The following TXNL4A variants were observed in gnomAD, a reference collection of about 807,000 sequenced individuals.
The protein encoded by TXNL4A is thioredoxin like 4A, also known as thioredoxin-like protein 4A.
In TXNL4A, 17 loss-of-function variants were observed where a neutral mutation model predicts 14.6. The observed-to-expected ratio is 1.16, with a 90% confidence interval of 0.80 to 1.74. The LOEUF (loss-of-function observed/expected upper bound fraction) is 1.74. Among genes scored for constraint, TXNL4A ranks in the 40% most tolerant of loss-of-function variants. TXNL4A has a pLI of 0.00. For missense variants in TXNL4A, 74 were observed against 195.2 expected (o/e 0.38, Z 3.70); for synonymous variants, 83 against 70.6 (o/e 1.18, Z -0.88).
chr18:79,992,004 G>C (rs1373213662), upstream of TXNL4A, among the ~76,000 whole-genome samples: 1 of 152,210 alleles, frequency 6.6e-6, no homozygotes, highest in African/African-American at 2.4e-5. Flanking sequence ...TTGAAGCAAG[G>C]ACAGGAAGAC....
chr18:79,973,728 AGGCCGCGGCCTT>A lies in TXNL4A; in HGVS notation c.374_385del (p.Lys125_Leu129delinsMet). 8 of 1,614,208 alleles carry A rather than the reference AGGCCGCGGCCTT, an allele frequency of 5.0e-6. No individual in the cohort carries two copies. The highest frequency in any genetic ancestry group is 6.8e-6 in the Non-Finnish European group (8 of 1,180,038). ...GGAGTAGTCCTTGGGGGACACCACC[AGGCCGCGGCCTT>A]TGCGGGCCCCGCGGTACACCGTCTC... On this transcript the variant is annotated inframe_deletion, in exon 3 of 3. Coordinates refer to ENST00000269601, the MANE Select transcript of TXNL4A (RefSeq NM_006701.5).
chr18:79,986,462 G>A (rs1345836003), intron 1 of TXNL4A: 1 of 681,578 alleles, frequency 1.5e-6, no homozygotes, highest in Non-Finnish European at 1.8e-6. Flanking sequence ...ACCCCAAAGT[G>A]AGCCCATTTC....
intron 1 of TXNL4A, among the ~76,000 whole-genome samples, chr18:80,029,114 T>A (rs116510403): frequency 7.9e-5 from 12 of 152,264 alleles, no homozygotes; most frequent in African/African-American, 2.9e-4. Context: ...GACACTTTTC[T>A]CCCGAAACTG....
intron 1 of TXNL4A, among the ~76,000 whole-genome samples, chr18:80,031,190 C>T (rs1013619402): frequency 2.6e-5 from 4 of 152,174 alleles, no homozygotes; most frequent in Non-Finnish European, 5.9e-5. Flanking sequence ...TCAAAATGTT[C>T]CTTTGTGCTG....
At chr18:80,006,342 C>A (rs1017348788) in intron 1 of TXNL4A, among the ~76,000 whole-genome samples, 14 of 151,804 alleles carry the variant, frequency 9.2e-5, no homozygotes, top group Admixed American at 9.2e-4. Flanking sequence ...CAAGATCATG[C>A]CATTGCACTC....
intron 1 of TXNL4A, among the ~76,000 whole-genome samples, chr18:80,027,956 A>G (rs2145131108): frequency 6.6e-6 from 1 of 152,332 alleles, no homozygotes; most frequent in African/African-American, 2.4e-5. Flanking sequence ...ATTCTTCTTT[A>G]TGACTCAAAC....
rs566141236 is a variant in TXNL4A at position 79,982,258 on chromosome 18, G to A, written c.154-4557C>T. Among the ~76,000 whole-genome samples the A allele has an allele frequency of 2.6e-5, 4 of 152,316 alleles. No individual in the cohort carries two copies. The South Asian group carries it at 8.3e-4, about 32-fold the overall frequency. ...TGGGGACCGATGCGCAGGTGGACTG[G>A]CCCACAGAGGACCTTTTCCACTTGG... On this transcript the variant is annotated intron_variant, in intron 1 of 2. Transcript: ENST00000269601. The surrounding 1 kb of genome is among the most constrained non-coding windows in gnomAD (Gnocchi z 4.0).
chr18:79,991,095 C>G (rs371386500), upstream of TXNL4A, among the ~76,000 whole-genome samples: 194 of 135,206 alleles, frequency 1.4e-3, no homozygotes, highest in African/African-American at 5.4e-3. Context: ...GCGACAGAGC[C>G]AGACTCCGTC....
chr18:80,023,071 T>A (rs2051860524), intron 1 of TXNL4A, among the ~76,000 whole-genome samples: 1 of 152,212 alleles, frequency 6.6e-6, no homozygotes, highest in Non-Finnish European at 1.5e-5. Context: ...AGTGAAAAAT[T>A]GGAATCCCAC....
intron 1 of TXNL4A, among the ~76,000 whole-genome samples, chr18:80,016,742 A>G (rs1426162084): frequency 6.6e-6 from 1 of 150,934 alleles, no homozygotes; most frequent in Admixed American, 6.6e-5. Flanking sequence ...TGGTACCAGT[A>G]CCATGCTGTT....
At chr18:79,976,219 G>T (rs2051377406) in intron 2 of TXNL4A, among the ~76,000 whole-genome samples, 1 of 152,200 alleles carries the variant, frequency 6.6e-6, no homozygotes, top group Admixed American at 6.5e-5. Flanking sequence ...TCCACCCTGG[G>T]TGAGAGTGAG....
chr18:80,017,536 C>T (rs1391363913), intron 1 of TXNL4A, among the ~76,000 whole-genome samples: 5 of 152,098 alleles, frequency 3.3e-5, no homozygotes, highest in Non-Finnish European at 7.4e-5. Context: ...AGATACGTCC[C>T]ATCAATACCT....
rs1337537025 is a variant in TXNL4A at position 80,022,949 on chromosome 18, C to T, written c.-61+10902G>A. On this transcript the variant is annotated intron_variant, in intron 1 of 2. Transcript: ENST00000585474. Reference sequence around the variant, plus strand: ...TTCTTAGACCCACTCAGCCTAAAGGCTCCCAAGGTACCCAATAGGCCTGGG... The same window carrying T: ...TTCTTAGACCCACTCAGCCTAAAGGTTCCCAAGGTACCCAATAGGCCTGGG... Among the ~76,000 whole-genome samples the T allele has an allele frequency of 2.0e-5, 3 of 152,144 alleles. No individual in the cohort carries two copies. The East Asian group carries it at 5.8e-4, about 29-fold the overall frequency.
At position 80,021,325 on chromosome 18, in the gene TXNL4A, C is replaced by T. The variant is rs553487697; in HGVS notation, c.-61+12526G>A. On this transcript the variant is annotated intron_variant, in intron 1 of 2. Coordinates refer to the TXNL4A transcript ENST00000585474. ...CCGAGTAGCTGGGACTATGGGCACC[C>T]GCCACCATGCCTGGCTAATTTTTTG... Among the ~76,000 whole-genome samples the T allele has an allele frequency of 4.6e-5, 7 of 152,158 alleles. No homozygotes were observed. In the East Asian group the frequency reaches 5.8e-4, roughly 13 times the overall value.
At chr18:80,025,344 C>T (rs1210055781) in intron 1 of TXNL4A, among the ~76,000 whole-genome samples, 1 of 152,204 alleles carries the variant, frequency 6.6e-6, no homozygotes, top group East Asian at 1.9e-4. Flanking sequence ...GTAACTCCAC[C>T]TACACTCCCA....
chr18:80,000,513 A>C (rs1427902395), intron 1 of TXNL4A, among the ~76,000 whole-genome samples: 1 of 152,232 alleles, frequency 6.6e-6, no homozygotes, highest in African/African-American at 2.4e-5. Context: ...AATAAGATTA[A>C]GTTTTTGAAG....
intron 1 of TXNL4A, among the ~76,000 whole-genome samples, chr18:79,999,266 T>C (rs2051683001): frequency 6.6e-6 from 1 of 152,144 alleles, no homozygotes; most frequent in Admixed American, 6.6e-5. Context: ...CCGGGTGCAG[T>C]GACTCACGCC....
chr18:79,989,069 T>C (rs1478833197), upstream of TXNL4A, among the ~76,000 whole-genome samples: 2 of 152,218 alleles, frequency 1.3e-5, no homozygotes, highest in Non-Finnish European at 2.9e-5. Context: ...CCTTGAGGAA[T>C]GTCACCATCA....
intron 1 of TXNL4A, among the ~76,000 whole-genome samples, chr18:80,009,889 AGTTGAGTGTTCCTAGAGGAAG>A (rs2051758820): frequency 6.6e-6 from 1 of 152,124 alleles, no homozygotes; most frequent in African/African-American, 2.4e-5. Flanking sequence ...TTCCCTTATC[AGTTGAGTGTTCCTAGAGGAAG>A]GTCATATACC....
Sources: gnomAD v4.1 joint callset for allele counts (sites outside exome capture counted in the v4.1 genomes callset) on GRCh38, gnomAD v4.1.1 for gene constraint, Gnocchi (gnomAD v3.1) non-coding constraint, MANE v1.5 for transcripts, NCBI Gene and HGNC (gene_info 2026-07-23, HGNC 2026-07-21) for gene names.